GRM5: variants seen among roughly 807,000 people sequenced by gnomAD.
The protein encoded by GRM5 is glutamate metabotropic receptor 5.
GRM5 carries 19 observed loss-of-function variants against 83.1 expected under a neutral mutation model. That is an observed-to-expected ratio of 0.23 (90% CI 0.16 to 0.34). The LOEUF is 0.34. GRM5 is among the 10% of genes least tolerant of loss of function. GRM5 has a pLI of 1.00. For synonymous variants in GRM5, 675 were observed against 633.6 expected (o/e 1.07, Z -0.98); for missense variants, 1,160 against 1,588.3 (o/e 0.73, Z 4.58).
chr11:88,853,594 C>T (rs1471147713), intron 2 of GRM5, among the ~76,000 whole-genome samples: 1 of 150,066 alleles, frequency 6.7e-6, no homozygotes, highest in African/African-American at 2.4e-5. Flanking sequence ...AAGACATATT[C>T]ATATTAGAGA....
chr11:88,982,217 TAGAA>T (rs1565319595), intron 2 of GRM5, among the ~76,000 whole-genome samples: 4 of 152,170 alleles, frequency 2.6e-5, no homozygotes, highest in Admixed American at 1.3e-4. Flanking sequence ...TTTTGGAAAA[TAGAA>T]AGAATTAAAA....
chr11:88,833,568 CA>C (rs1228463443), intron 3 of GRM5, among the ~76,000 whole-genome samples: 1 of 151,624 alleles, frequency 6.6e-6, no homozygotes, highest in Non-Finnish European at 1.5e-5. Flanking sequence ...AAAGGTTTCT[CA>C]AAAAAGAAAA....
intron 4 of GRM5, among the ~76,000 whole-genome samples, chr11:88,628,889 CT>C (rs1340251712): frequency 6.6e-6 from 1 of 152,118 alleles, no homozygotes; most frequent in Non-Finnish European, 1.5e-5. Flanking sequence ...CTTTGGATCC[CT>C]TTTTTTCTAG....
intron 2 of GRM5, among the ~76,000 whole-genome samples, chr11:88,954,290 C>T (rs1448629234): frequency 6.6e-6 from 1 of 152,074 alleles, no homozygotes; most frequent in African/African-American, 2.4e-5. Flanking sequence ...AATTCAAAAG[C>T]TTTTCATTGA....
rs542459823 is a variant in GRM5, at chr11:88,675,215, G to A, written c.912-21812C>T. ...ACTGTGTGCTTAATTCTGCCTTAGC[G>A]TGAATGACATTGTAATTTTAATTGT... On this transcript the variant is annotated intron_variant, in intron 3 of 9. Transcript: ENST00000305447. Among the ~76,000 whole-genome samples the A allele has an allele frequency of 2.2e-4, 33 of 151,986 alleles. No homozygotes were observed. The South Asian group carries it at 6.7e-3, about 31-fold the overall frequency.
intron 1 of GRM5, among the ~76,000 whole-genome samples, chr11:89,056,972 A>G (rs1417297801): frequency 6.6e-6 from 1 of 152,170 alleles, no homozygotes; most frequent in Non-Finnish European, 1.5e-5. Flanking sequence ...CCTAAATGAT[A>G]TGAAAAAGAG....
intron 5 of GRM5, among the ~76,000 whole-genome samples, chr11:88,603,695 A>C (rs1382787326): frequency 6.6e-6 from 1 of 152,212 alleles, no homozygotes; most frequent in Non-Finnish European, 1.5e-5. Flanking sequence ...ATCACTTATA[A>C]GTCTGGCATG....
intron 3 of GRM5, among the ~76,000 whole-genome samples, chr11:88,830,750 T>C (rs904379677): frequency 6.6e-6 from 1 of 152,186 alleles, no homozygotes; most frequent in African/African-American, 2.4e-5. Context: ...ATTCGTCTGT[T>C]TTTATGCTGC....
chr11:88,599,352 C>G (rs1230530996), intron 5 of GRM5, among the ~76,000 whole-genome samples: 1 of 152,172 alleles, frequency 6.6e-6, no homozygotes, highest in African/African-American at 2.4e-5. Flanking sequence ...TGAATCCTCT[C>G]TTTGGAATTA....
Position 88,567,352 on chromosome 11 carries a change from T to C in GRM5, c.2331A>G (p.Thr777=). Reference sequence around the variant, plus strand: ...GCCATATAATGCAGGTCGTGTACATTGTGAAGGCGATATACTTGGCCTCGT... The same window carrying C: ...GCCATATAATGCAGGTCGTGTACATCGTGAAGGCGATATACTTGGCCTCGT... The part of the protein sequence containing the change: ...NFNEAKYIAF[T]MYTTCIIWLA... Residue 777 remains threonine (T), a synonymous_variant, in exon 8 of 10, where the codon ACA becomes ACG. Transcript: ENST00000305447. The surrounding 1 kb of genome is among the most constrained non-coding windows in gnomAD (Gnocchi z 7.3). The C allele has an allele frequency of 6.2e-7, 1 of 1,614,106 alleles. No individual in the cohort carries two copies. Among genetic ancestry groups the C allele is most frequent in the Non-Finnish European group, 8.5e-7 (1 of 1,179,994 alleles).
At chr11:88,643,724 A>G (rs1355587756) in intron 4 of GRM5, among the ~76,000 whole-genome samples, 1 of 151,274 alleles carries the variant, frequency 6.6e-6, no homozygotes, top group Non-Finnish European at 1.5e-5. Context: ...CCGGTATTCT[A>G]GCTACTCTCT....
intron 2 of GRM5, among the ~76,000 whole-genome samples, chr11:88,923,884 G>T (rs1945737339): frequency 6.7e-6 from 1 of 150,056 alleles, no homozygotes; most frequent in Non-Finnish European, 1.5e-5. Context: ...GTATACATAT[G>T]AATATATATT....
intron 2 of GRM5, among the ~76,000 whole-genome samples, chr11:88,927,347 T>C (rs1368502806): frequency 6.6e-6 from 1 of 152,154 alleles, no homozygotes; most frequent in Non-Finnish European, 1.5e-5. Flanking sequence ...TAGATTCTTT[T>C]GACTGTTTGG....
intron 2 of GRM5, among the ~76,000 whole-genome samples, chr11:89,011,672 G>A (rs1940703625): frequency 6.6e-6 from 1 of 152,098 alleles, no homozygotes; most frequent in Non-Finnish European, 1.5e-5. Context: ...CATAAAAATT[G>A]ATCTCTGCCA....
chr11:88,599,629 C>T (rs7350511), intron 5 of GRM5, among the ~76,000 whole-genome samples: 51,080 of 152,080 alleles, frequency 0.34, 9,878 homozygotes, highest in African/African-American at 0.54. Flanking sequence ...CATACTCTTA[C>T]GTAACTTTTA....
intron 3 of GRM5, among the ~76,000 whole-genome samples, chr11:88,663,493 A>AT (rs1939958353): frequency 6.6e-6 from 1 of 152,226 alleles, no homozygotes; most frequent in Non-Finnish European, 1.5e-5. Flanking sequence ...ATGTGCAACA[A>AT]TTTAGTAAGC....
intron 2 of GRM5, chr11:89,009,158 A>T (rs1456397429): frequency 5.8e-6 from 4 of 694,232 alleles, no homozygotes; most frequent in Non-Finnish European, 1.1e-5. Flanking sequence ...TTATAAGTTA[A>T]TTTTAAGTGT....
chr11:89,037,064 G>T (rs1360974395), intron 2 of GRM5, among the ~76,000 whole-genome samples: 1 of 151,580 alleles, frequency 6.6e-6, no homozygotes, highest in Admixed American at 6.6e-5. Flanking sequence ...CTTATTACAC[G>T]TAGTGCACAT....
At chr11:88,509,619 C>G in intron 9 of GRM5, 115 bp from the exon 10 acceptor site, 1 of 674,734 alleles carries the variant, frequency 1.5e-6, no homozygotes, top group Non-Finnish European at 2.5e-6. Flanking sequence ...TTTTCTCATT[C>G]TTTCAGGAAA....
Sources: allele counts gnomAD v4.1 joint callset (sites outside exome capture counted in the v4.1 genomes callset), GRCh38; gene constraint gnomAD v4.1.1; non-coding constraint Gnocchi (gnomAD v3.1); transcripts MANE v1.5; gene names NCBI Gene and HGNC (gene_info 2026-07-23, HGNC 2026-07-21).